The following LPP variants were observed in gnomAD, a reference collection of about 807,000 sequenced individuals.
LPP encodes the protein LIM domain containing preferred translocation partner in lipoma.
In LPP, 38 loss-of-function variants were observed where a neutral mutation model predicts 60.4. The ratio of observed to expected loss-of-function variants is 0.63; its 90% confidence interval spans 0.49 to 0.83. LPP has a LOEUF of 0.83. Among genes scored for constraint, LPP ranks in the 40% least tolerant of loss-of-function variants. The probability of loss-of-function intolerance (pLI) is 0.00; values close to 1 mark genes in which losing one functional copy is unlikely to be tolerated. For synonymous variants in LPP, 328 were observed against 290.8 expected (o/e 1.13, Z -1.30); for missense variants, 902 against 783.6 (o/e 1.15, Z -1.80).
intron 9 of LPP, among the ~76,000 whole-genome samples, chr3:188,786,410 A>AAAC: frequency 6.8e-6 from 1 of 147,464 alleles, no homozygotes; most frequent in South Asian, 2.2e-4. Context: ...AAAAAAAAAA[A>AAAC]ACCAACCATC....
chr3:188,380,720 C>T (rs2148537680), intron 3 of LPP, among the ~76,000 whole-genome samples: 1 of 152,280 alleles, frequency 6.6e-6, no homozygotes, highest in Non-Finnish European at 1.5e-5. Flanking sequence ...GCAAAATTAT[C>T]TTTAATTGTG....
intron 5 of LPP, among the ~76,000 whole-genome samples, chr3:188,494,601 C>T (rs377399381): frequency 2.0e-5 from 3 of 152,044 alleles, no homozygotes; most frequent in East Asian, 1.9e-4. Flanking sequence ...GTCCTGGTGT[C>T]TTTTGCTATG....
intron 1 of LPP, among the ~76,000 whole-genome samples, chr3:188,162,393 A>T (rs955461574): frequency 1.2e-4 from 18 of 152,312 alleles, no homozygotes; most frequent in Middle Eastern, 6.8e-3. Flanking sequence ...AGCATAGTTG[A>T]TGTGAACATC....
chr3:188,881,928 T>C lies in LPP; in HGVS notation c.*7449T>C, dbSNP rs1186568097. 2 of 217,744 alleles carry C rather than the reference T, an allele frequency of 9.2e-6. No individual in the cohort carries two copies. Among genetic ancestry groups the C allele is most frequent in the Non-Finnish European group, 1.8e-5 (2 of 108,416 alleles). 13.5% of individuals were successfully genotyped at this position (217,744 alleles called of 1,614,324 possible). A position where few individuals can be genotyped will look rare whatever the true frequency, so the allele number is the denominator to read the frequency against. On this transcript the variant is annotated 3_prime_UTR_variant, in exon 12 of 12. Transcript: ENST00000617246. ...GCTCAAATATTTGTACCTAGAGACG[T>C]TACATGTTAGAAAAAGTGAGCAGCT...
At chr3:188,669,373 G>GT (rs979784282) in intron 7 of LPP, among the ~76,000 whole-genome samples, 39 of 152,100 alleles carry the variant, frequency 2.6e-4, no homozygotes, top group African/African-American at 7.7e-4. Flanking sequence ...TCAGGAGATC[G>GT]AGACCATCCT....
chr3:188,499,962 T>G (rs1286722002), intron 5 of LPP, among the ~76,000 whole-genome samples: 1 of 152,162 alleles, frequency 6.6e-6, no homozygotes, highest in Non-Finnish European at 1.5e-5. Context: ...TAACTTTATA[T>G]GCTCTACTTG....
intron 8 of LPP, among the ~76,000 whole-genome samples, chr3:188,733,003 T>C (rs2150065619): frequency 6.6e-6 from 1 of 152,086 alleles, no homozygotes; most frequent in South Asian, 2.1e-4. Context: ...ACTTTGGCAA[T>C]GGGCATCAAA....
intron 1 of LPP, among the ~76,000 whole-genome samples, chr3:188,193,383 G>C (rs187190545): frequency 6.6e-6 from 1 of 152,080 alleles, no homozygotes; most frequent in East Asian, 1.9e-4. Context: ...TCTGTGTCTC[G>C]GTTTCCTTAC....
chr3:188,702,989 C>T (rs1358257594), intron 7 of LPP, among the ~76,000 whole-genome samples: 1 of 152,130 alleles, frequency 6.6e-6, no homozygotes, highest in Non-Finnish European at 1.5e-5. Flanking sequence ...AGCAGCGGTA[C>T]CTCTACAAGG....
intron 6 of LPP, among the ~76,000 whole-genome samples, chr3:188,570,068 A>G (rs998321644): frequency 2.0e-5 from 3 of 149,940 alleles, no homozygotes; most frequent in Non-Finnish European, 4.4e-5. Context: ...CTTAATCACT[A>G]ATTCAGGAGA....
At chr3:188,238,262 G>T (rs969443959) in intron 2 of LPP, among the ~76,000 whole-genome samples, 1 of 152,164 alleles carries the variant, frequency 6.6e-6, no homozygotes, top group Non-Finnish European at 1.5e-5. Flanking sequence ...TTTGTGGCTG[G>T]TTTGATCTTC....
At chr3:188,349,224 A>G (rs1313569427) in intron 3 of LPP, among the ~76,000 whole-genome samples, 1 of 152,206 alleles carries the variant, frequency 6.6e-6, no homozygotes, top group Non-Finnish European at 1.5e-5. Context: ...GTTGAAAGCC[A>G]GGATCCTGCA....
chr3:188,587,582 T>C (rs1182180800), intron 6 of LPP, among the ~76,000 whole-genome samples: 1 of 152,200 alleles, frequency 6.6e-6, no homozygotes, highest in Non-Finnish European at 1.5e-5. Flanking sequence ...ATTAAGAAAT[T>C]ACCATAATTT....
At chr3:188,434,933 A>C (rs1487974518) in intron 4 of LPP, among the ~76,000 whole-genome samples, 1 of 152,172 alleles carries the variant, frequency 6.6e-6, no homozygotes, top group Non-Finnish European at 1.5e-5. Flanking sequence ...ACTTTCTTTA[A>C]AGATCTGTGC....
intron 9 of LPP, among the ~76,000 whole-genome samples, chr3:188,862,062 T>G (rs142276274): frequency 1.0e-3 from 153 of 152,336 alleles, no homozygotes; most frequent in African/African-American, 3.6e-3. Context: ...TGTCATGAAC[T>G]TTGTAGTCCC....
In LPP at chr3:188,154,511, G is replaced by A. The variant is rs552813400; in HGVS notation, c.-190+259G>A. Among the ~76,000 whole-genome samples, 4 of 152,236 alleles carry A rather than the reference G, an allele frequency of 2.6e-5. No homozygotes were observed. In the South Asian group the frequency reaches 8.3e-4, roughly 32 times the overall value. On this transcript the variant is annotated intron_variant, in intron 1 of 11. Transcript: ENST00000617246. ...TGGAGCCTTGCGCGCCCCCTGCCCG[G>A]ACTTTTCTGGGCGCCCAGGGGGCGG...
intron 6 of LPP, among the ~76,000 whole-genome samples, chr3:188,592,563 T>TTTTTTTTTTTTTTTGGG: frequency 2.6e-5 from 2 of 77,226 alleles, no homozygotes; most frequent in African/African-American, 9.4e-5. Context: ...TTTTGTTTTT[T>TTTTTTTTTTTTTTTGGG]AAATGGAGTC....
At chr3:188,256,540 T>C (rs1437535038) in intron 2 of LPP, among the ~76,000 whole-genome samples, 1 of 152,198 alleles carries the variant, frequency 6.6e-6, no homozygotes, top group Non-Finnish European at 1.5e-5. Flanking sequence ...CATCAGTCTT[T>C]CAAGAAAAAG....
intron 4 of LPP, among the ~76,000 whole-genome samples, chr3:188,436,122 A>G (rs1273352997): frequency 6.6e-6 from 1 of 152,250 alleles, no homozygotes; most frequent in East Asian, 1.9e-4. Flanking sequence ...GTGGATATGT[A>G]AATGGCAAGA....
Sources: allele counts gnomAD v4.1 joint callset (sites outside exome capture counted in the v4.1 genomes callset), GRCh38; gene constraint gnomAD v4.1.1; transcripts MANE v1.5; gene names NCBI Gene and HGNC (gene_info 2026-07-23, HGNC 2026-07-21).